The following DPY19L3 variants were observed in gnomAD, a reference collection of about 807,000 sequenced individuals.
DPY19L3 encodes dpy-19 like C-mannosyltransferase 3.
Under a neutral mutation model 92.3 loss-of-function variants are expected in DPY19L3, and 51 were observed. The observed-to-expected ratio is 0.55, with a 90% CI of 0.44 to 0.70. The LOEUF (loss-of-function observed/expected upper bound fraction) is 0.70, where lower values mean the gene tolerates loss of function less well. Ranked by LOEUF, DPY19L3 falls within the 30% of genes least tolerant of loss-of-function variation. The probability of loss-of-function intolerance (pLI) is 0.00; values close to 1 mark genes in which losing one functional copy is unlikely to be tolerated. For missense variants in DPY19L3, 706 were observed against 855.9 expected (o/e 0.82, Z 2.18); for synonymous variants, 309 against 315.2 (o/e 0.98, Z 0.21).
intron 12 of DPY19L3, among the ~76,000 whole-genome samples, chr19:32,461,789 A>G (rs1970048209): frequency 6.6e-6 from 1 of 152,200 alleles, no homozygotes; most frequent in African/African-American, 2.4e-5. Context: ...ATCTTTAACT[A>G]GTAGCCTTTA....
In DPY19L3 at chr19:32,408,358, T is replaced by C; in HGVS notation, c.103+2T>C. Reference sequence around the variant, plus strand: ...AGTTGGAAAATAAATTGCCATCTGGTAGGTGATTTAAACTAAAGCAGCAAT... The same window carrying C: ...AGTTGGAAAATAAATTGCCATCTGGCAGGTGATTTAAACTAAAGCAGCAAT... On this transcript the variant is annotated splice_donor_variant, in intron 2 of 18. Coordinates refer to ENST00000392250, the MANE Select transcript of DPY19L3 (RefSeq NM_001172774.2). LOFTEE classifies it high-confidence loss of function. 1 of 1,610,028 alleles carries C rather than the reference T, an allele frequency of 6.2e-7. No individual in the cohort carries two copies. Among genetic ancestry groups the C allele is most frequent in the Non-Finnish European group, 8.5e-7 (1 of 1,176,698 alleles).
At chr19:32,441,660 G>C (rs1047131640) in intron 8 of DPY19L3, among the ~76,000 whole-genome samples, 1 of 151,934 alleles carries the variant, frequency 6.6e-6, no homozygotes, top group African/African-American at 2.4e-5. Flanking sequence ...ACCACACCCG[G>C]CTAATATTTG....
chr19:32,407,597 GAGA>G (rs1206510678), intron 1 of DPY19L3, among the ~76,000 whole-genome samples: 1 of 152,158 alleles, frequency 6.6e-6, no homozygotes, highest in Non-Finnish European at 1.5e-5. Flanking sequence ...CTCAGGGAGG[GAGA>G]AGATCAGCCG....
intron 3 of DPY19L3, among the ~76,000 whole-genome samples, chr19:32,422,307 G>A (rs1968598409): frequency 6.6e-6 from 1 of 152,112 alleles, no homozygotes; most frequent in African/African-American, 2.4e-5. Flanking sequence ...AACATAAGAA[G>A]GTATGTGCCT....
intron 8 of DPY19L3, among the ~76,000 whole-genome samples, chr19:32,443,931 C>A (rs1969403400): frequency 6.6e-6 from 1 of 151,682 alleles, no homozygotes; most frequent in Admixed American, 6.6e-5. Flanking sequence ...TGGCATGTGC[C>A]TGTAATCACA....
chr19:32,427,698 A>G (rs965120432), intron 3 of DPY19L3, among the ~76,000 whole-genome samples: 3 of 152,172 alleles, frequency 2.0e-5, no homozygotes, highest in Admixed American at 1.3e-4. Flanking sequence ...CACGGCTTTA[A>G]TCAACTCTGG....
rs181445965 is a variant in DPY19L3, at chr19:32,413,735, G to A, written c.237+2363G>A. 1.1e-3 allele frequency among the ~76,000 whole-genome samples: 160 copies of A among 151,768 alleles called. 3 individuals are homozygous for A. In the South Asian group the frequency reaches 0.019, roughly 18 times the overall value. Reference sequence around the variant, plus strand: ...TTATATATCTTTTTTTGGGAGGAGCGGGGGCGGGCAGGGTCTTTCTCTGTC... The same window carrying A: ...TTATATATCTTTTTTTGGGAGGAGCAGGGGCGGGCAGGGTCTTTCTCTGTC... On this transcript the variant is annotated intron_variant, in intron 3 of 18. Transcript: ENST00000392250.
chr19:32,407,024 G>A (rs1215287229), intron 1 of DPY19L3, among the ~76,000 whole-genome samples: 2 of 140,756 alleles, frequency 1.4e-5, no homozygotes, highest in African/African-American at 2.6e-5. Flanking sequence ...TTTTTGGTAT[G>A]AATGAATACA....
intron 3 of DPY19L3, chr19:32,413,316 C>G (rs921094425): frequency 1.3e-4 from 20 of 152,256 alleles, no homozygotes; most frequent in Admixed American, 2.6e-4. Context: ...AAGGATATTA[C>G]TTTGATGACA....
At chr19:32,479,817 C>T (rs1414799367) in intron 17 of DPY19L3, among the ~76,000 whole-genome samples, 1 of 152,206 alleles carries the variant, frequency 6.6e-6, no homozygotes, top group South Asian at 2.1e-4. Flanking sequence ...GTGGCTCTCA[C>T]CCCTAGGATG....
chr19:32,423,440 G>T (rs1968647330), intron 3 of DPY19L3, among the ~76,000 whole-genome samples: 2 of 58,178 alleles, frequency 3.4e-5, no homozygotes. Flanking sequence ...AGTAGAGACA[G>T]GGTTTTGCCA....
At chr19:32,480,307 TAGACTC>T in intron 17 of DPY19L3, 86 bp from the exon 18 acceptor site, 1 of 1,426,868 alleles carries the variant, frequency 7.0e-7, no homozygotes, top group Non-Finnish European at 9.5e-7. Flanking sequence ...TGTTAGGTCT[TAGACTC>T]AGCCCTGTGG....
In DPY19L3 at chr19:32,483,387, A is replaced by G. The variant is rs971724816; in HGVS notation, c.*1147A>G. On this transcript the variant is annotated 3_prime_UTR_variant, in exon 19 of 19. Transcript: ENST00000392250. ...TATGTACCTGCTCAAAATTTTTTTG[A>G]TAATCGCTTATATAATTAATTTCTA... 6.6e-6 allele frequency: 1 copy of G among 152,640 alleles called. No homozygotes were observed. The highest frequency in any genetic ancestry group is 2.4e-5 in the African/African-American group (1 of 41,456). 9.5% of individuals were successfully genotyped at this position (152,640 alleles called of 1,614,324 possible). A position where few individuals can be genotyped will look rare whatever the true frequency, so the allele number is the denominator to read the frequency against.
intron 16 of DPY19L3, among the ~76,000 whole-genome samples, chr19:32,470,781 CTTTTTT>C (rs71336911): frequency 1.2e-4 from 11 of 91,214 alleles, no homozygotes; most frequent in South Asian, 4.4e-4. Flanking sequence ...ATTCCTTTGG[CTTTTTT>C]TTTTTTTTTT....
intron 8 of DPY19L3, 99 bp downstream of exon 8, chr19:32,440,009 G>T: frequency 6.7e-7 from 1 of 1,486,030 alleles, no homozygotes; most frequent in Non-Finnish European, 9.1e-7. Context: ...GGATAAAATT[G>T]AAGCTGTTTC....
chr19:32,478,101 G>A lies in DPY19L3; in HGVS notation c.1830+447G>A, dbSNP rs551716559. Among the ~76,000 whole-genome samples, 212 of 152,328 alleles carry A rather than the reference G, an allele frequency of 1.4e-3. 1 individual carries two copies. Among genetic ancestry groups the A allele is most frequent in the African/African-American group, 4.7e-3 (197 of 41,570 alleles). ...TGTGGGACTTCAAGATGTGATTTGG[G>A]TGGGGACACAGCCAAACCATATCAG... On this transcript the variant is annotated intron_variant, in intron 17 of 18. Transcript: ENST00000392250.
At chr19:32,418,801 CAG>C (rs903706162) in intron 3 of DPY19L3, among the ~76,000 whole-genome samples, 4 of 151,982 alleles carry the variant, frequency 2.6e-5, no homozygotes, top group African/African-American at 7.3e-5. Context: ...TGTAATTATT[CAG>C]AGAGTAAAAG....
intron 8 of DPY19L3, among the ~76,000 whole-genome samples, chr19:32,446,781 C>T (rs1969513016): frequency 6.6e-6 from 1 of 152,168 alleles, no homozygotes; most frequent in Admixed American, 6.5e-5. Context: ...GAGACTTCAG[C>T]ACATCTCTCT....
intron 16 of DPY19L3, among the ~76,000 whole-genome samples, chr19:32,476,414 T>C (rs867284144): frequency 6.6e-6 from 1 of 151,526 alleles, no homozygotes; most frequent in Middle Eastern, 3.4e-3. Flanking sequence ...GCCCGCAGTG[T>C]CCTCAGTGGG....
Sources: allele counts gnomAD v4.1 joint callset (sites outside exome capture counted in the v4.1 genomes callset), GRCh38; gene constraint gnomAD v4.1.1; transcripts MANE v1.5; gene names NCBI Gene and HGNC (gene_info 2026-07-23, HGNC 2026-07-21).